DGKB: variants seen among roughly 807,000 people sequenced by gnomAD.
The protein encoded by DGKB is 90 kDa diacylglycerol kinase.
In DGKB, 67 loss-of-function variants were observed where a neutral mutation model predicts 114.3. The ratio of observed to expected loss-of-function variants is 0.59; its 90% CI spans 0.48 to 0.72. The LOEUF is 0.72. Among genes scored for constraint, DGKB ranks in the 30% least tolerant of loss-of-function variants. The probability of loss-of-function intolerance (pLI) is 0.00; values close to 1 mark genes in which losing one functional copy is unlikely to be tolerated. For synonymous variants in DGKB, 398 were observed against 323.1 expected (o/e 1.23, Z -2.49); for missense variants, 907 against 975.2 (o/e 0.93, Z 0.93).
At chr7:14,388,785 A>T (rs1259752091) in intron 21 of DGKB, among the ~76,000 whole-genome samples, 1 of 152,204 alleles carries the variant, frequency 6.6e-6, no homozygotes, top group East Asian at 1.9e-4. Context: ...ATTTCCAAAA[A>T]CATTTACAAG....
chr7:14,876,478 G>A (rs138722158), intron 1 of DGKB, among the ~76,000 whole-genome samples: 10 of 152,042 alleles, frequency 6.6e-5, no homozygotes, highest in East Asian at 3.9e-4. Context: ...CAACACTCGC[G>A]GGCTAAGCCT....
chr7:14,224,958 G>A (rs997702688), intron 23 of DGKB, among the ~76,000 whole-genome samples: 11 of 151,928 alleles, frequency 7.2e-5, no homozygotes, highest in Admixed American at 2.0e-4. Context: ...TCCTGAGGTC[G>A]GTGTTTGAGA....
chr7:14,444,486 G>A (rs753055233), intron 21 of DGKB, among the ~76,000 whole-genome samples: 66 of 151,746 alleles, frequency 4.3e-4, no homozygotes, highest in Non-Finnish European at 8.1e-4. Flanking sequence ...GAATTCATAT[G>A]CGGTCTCCAA....
At chr7:14,931,142 C>T (rs1241733668) in intron 1 of DGKB, among the ~76,000 whole-genome samples, 1 of 142,736 alleles carries the variant, frequency 7.0e-6, no homozygotes, top group Non-Finnish European at 1.5e-5. Flanking sequence ...GATGGAGTCT[C>T]ATCCTGTCGC....
intron 23 of DGKB, among the ~76,000 whole-genome samples, chr7:14,246,359 G>C (rs962680393): frequency 6.6e-6 from 1 of 152,128 alleles, no homozygotes; most frequent in Non-Finnish European, 1.5e-5. Context: ...GAATAGAAAT[G>C]TTAAGTACTT....
intron 2 of DGKB, among the ~76,000 whole-genome samples, chr7:14,758,904 G>GATAGATAC (rs1835270861): frequency 7.0e-6 from 1 of 142,148 alleles, no homozygotes; most frequent in South Asian, 2.1e-4. Flanking sequence ...TAGATAGATA[G>GATAGATAC]ATAGATAGAT....
chr7:14,705,682 T>A (rs1247649883), intron 6 of DGKB, among the ~76,000 whole-genome samples: 2 of 150,250 alleles, frequency 1.3e-5, no homozygotes, highest in African/African-American at 4.9e-5. Flanking sequence ...AAGAAAAGAA[T>A]TTTCAACCCA....
chr7:14,285,676 A>G (rs987167143), intron 23 of DGKB, among the ~76,000 whole-genome samples: 1 of 152,180 alleles, frequency 6.6e-6, no homozygotes, highest in Non-Finnish European at 1.5e-5. Context: ...AAGGATAGAT[A>G]TGAAATGCTT....
At chr7:14,656,524 C>T (rs896053938) in intron 13 of DGKB, among the ~76,000 whole-genome samples, 1 of 151,358 alleles carries the variant, frequency 6.6e-6, no homozygotes, top group Non-Finnish European at 1.5e-5. Context: ...ACACTGCATC[C>T]TGAATATATT....
chr7:14,904,916 C>A (rs984776238), upstream of DGKB, among the ~76,000 whole-genome samples: 2 of 152,178 alleles, frequency 1.3e-5, no homozygotes, highest in African/African-American at 4.8e-5. Flanking sequence ...AAAAGGCCAA[C>A]TTTATCCACA....
chr7:14,700,158 T>C (rs1428947198), intron 7 of DGKB, among the ~76,000 whole-genome samples: 3 of 151,882 alleles, frequency 2.0e-5, no homozygotes, highest in Non-Finnish European at 2.9e-5. Context: ...TTGGTATTTC[T>C]AATGGGAAAC....
intron 23 of DGKB, among the ~76,000 whole-genome samples, chr7:14,284,763 A>C (rs963884256): frequency 6.6e-6 from 1 of 151,306 alleles, no homozygotes; most frequent in Non-Finnish European, 1.5e-5. Context: ...TCACAAGAAC[A>C]AAAAACCAAA....
chr7:14,405,533 T>C lies in DGKB; in HGVS notation c.1836-60142A>G, dbSNP rs1823801380. On this transcript the variant is annotated intron_variant, in intron 21 of 25. Transcript: ENST00000402815. Reference sequence around the variant, plus strand: ...GATTTTATGCATTCATTTTTTCTTTTACTCATTTAAGAAATCTGTATAATG... The same window carrying C: ...GATTTTATGCATTCATTTTTTCTTTCACTCATTTAAGAAATCTGTATAATG... 3.3e-5 allele frequency among the ~76,000 whole-genome samples: 5 copies of C among 152,200 alleles called. No homozygotes were observed. The South Asian group carries it at 1.0e-3, about 31-fold the overall frequency.
chr7:14,567,377 TTATATATTATA>T (rs1797667976), intron 20 of DGKB, among the ~76,000 whole-genome samples: 2 of 34,154 alleles, frequency 5.9e-5, no homozygotes, highest in African/African-American at 2.8e-4. Context: ...TATTATATAT[TTATATATTATA>T]TATATAATTA....
At chr7:14,489,109 T>G (rs904992335) in intron 20 of DGKB, among the ~76,000 whole-genome samples, 2 of 152,140 alleles carry the variant, frequency 1.3e-5, no homozygotes, top group African/African-American at 4.8e-5. Flanking sequence ...ATCATAGGCC[T>G]AGAATATTTC....
chr7:14,713,067 AT>A (rs1445623871), intron 6 of DGKB, among the ~76,000 whole-genome samples: 2 of 152,152 alleles, frequency 1.3e-5, no homozygotes, highest in East Asian at 3.9e-4. Context: ...ATTTTTTCCT[AT>A]TTTTATGCTC....
At chr7:14,251,345 G>A (rs963611678) in intron 23 of DGKB, among the ~76,000 whole-genome samples, 7 of 151,936 alleles carry the variant, frequency 4.6e-5, no homozygotes, top group African/African-American at 1.7e-4. Flanking sequence ...AATTAGAATA[G>A]TCTTTTTTAA....
At chr7:14,320,167 G>A (rs1045001448) in intron 23 of DGKB, among the ~76,000 whole-genome samples, 7 of 152,120 alleles carry the variant, frequency 4.6e-5, no homozygotes, top group African/African-American at 1.7e-4. Context: ...GGAGGCGGGG[G>A]TCCAGCAGTG....
chr7:14,763,431 A>G (rs1318318952), intron 2 of DGKB, among the ~76,000 whole-genome samples: 1 of 152,136 alleles, frequency 6.6e-6, no homozygotes, highest in African/African-American at 2.4e-5. Context: ...AATTCACAAT[A>G]ATGTTAACAA....
Sources: gnomAD v4.1 joint callset for allele counts (sites outside exome capture counted in the v4.1 genomes callset) on GRCh38, gnomAD v4.1.1 for gene constraint, MANE v1.5 for transcripts, NCBI Gene and HGNC (gene_info 2026-07-23, HGNC 2026-07-21) for gene names.